The following LONP2 variants were observed in gnomAD, a reference collection of about 807,000 sequenced individuals.
The protein encoded by LONP2 is lon peptidase 2, peroxisomal.
In LONP2, 60 loss-of-function variants were observed where a neutral mutation model predicts 85.6. The observed-to-expected ratio is 0.70, with a 90% CI of 0.57 to 0.87. The LOEUF (loss-of-function observed/expected upper bound fraction) is 0.87. Among genes scored for constraint, LONP2 ranks in the 40% least tolerant of loss-of-function variants. The pLI, the probability that LONP2 is intolerant of heterozygous loss-of-function variation, is 0.00. For missense variants in LONP2, 860 were observed against 1,063.5 expected (o/e 0.81, Z 2.66); for synonymous variants, 395 against 389.7 (o/e 1.01, Z -0.16).
At chr16:48,267,491 G>T (rs1328169058) in intron 6 of LONP2, among the ~76,000 whole-genome samples, 1 of 152,014 alleles carries the variant, frequency 6.6e-6, no homozygotes, top group African/African-American at 2.4e-5. Context: ...GTAGAGACAG[G>T]GTTTCACTAC....
In LONP2 at chr16:48,352,889, T is replaced by G. The variant is rs1223408434; in HGVS notation, c.*1087T>G. The G allele has an allele frequency of 6.6e-6, 1 of 152,230 alleles. No individual in the cohort carries two copies. The highest frequency in any genetic ancestry group is 1.5e-5 in the Non-Finnish European group (1 of 68,062). The allele number at this position is 152,230 out of a possible 1,614,324, so 9.4% of individuals were successfully genotyped here. A position where few individuals can be genotyped will look rare whatever the true frequency, so the allele number is the denominator to read the frequency against. On this transcript the variant is annotated 3_prime_UTR_variant, in exon 15 of 15. Coordinates refer to ENST00000285737, the MANE Select transcript of LONP2 (RefSeq NM_031490.5). ...CTAACTCCTGATTCCGTCTCCTATT[T>G]CTTGCTTGGCTACGCCAGTTCCCAA...
At chr16:48,248,277 A>G (rs1170159987) in intron 1 of LONP2, among the ~76,000 whole-genome samples, 2 of 148,934 alleles carry the variant, frequency 1.3e-5, no homozygotes, top group African/African-American at 4.9e-5. Flanking sequence ...ATGTGCCACA[A>G]TGCCTAGCTA....
At chr16:48,271,294 T>A (rs57435271) in intron 7 of LONP2, among the ~76,000 whole-genome samples, 2,084 of 152,312 alleles carry the variant, frequency 0.014, 47 homozygotes, top group African/African-American at 0.047. Flanking sequence ...CTGATGGAAA[T>A]TGCCTTGGGA....
intron 8 of LONP2, among the ~76,000 whole-genome samples, chr16:48,277,892 ATTT>A (rs529245504): frequency 8.0e-5 from 11 of 138,044 alleles, no homozygotes; most frequent in Non-Finnish European, 1.7e-4. Context: ...GCACTTCCTG[ATTT>A]TTTTTTTTTT....
At chr16:48,281,094 G>A (rs1972316720) in intron 8 of LONP2, among the ~76,000 whole-genome samples, 1 of 152,106 alleles carries the variant, frequency 6.6e-6, no homozygotes, top group South Asian at 2.1e-4. Flanking sequence ...GATATTATTT[G>A]TAAAATGTAT....
downstream of LONP2, among the ~76,000 whole-genome samples, chr16:48,357,778 C>T (rs747104830): frequency 2.6e-4 from 40 of 152,154 alleles, no homozygotes; most frequent in Admixed American, 2.0e-4. Flanking sequence ...GTGAGCTAAG[C>T]TATCTACAGC....
At chr16:48,259,671 G>C (rs1971835694) in intron 4 of LONP2, among the ~76,000 whole-genome samples, 1 of 152,176 alleles carries the variant, frequency 6.6e-6, no homozygotes, top group African/African-American at 2.4e-5. Context: ...CTCCCCGGTG[G>C]GACTAGAGAA....
At position 48,244,327 on chromosome 16, in the gene LONP2, A is replaced by G. The variant is rs897980466; in HGVS notation, c.-62A>G. 1.7e-5 allele frequency: 22 copies of G among 1,267,264 alleles called. No individual in the cohort carries two copies. The highest frequency in any genetic ancestry group is 2.8e-5 in the Admixed American group (1 of 35,438). 78.5% of individuals were successfully genotyped at this position (1,267,264 alleles called of 1,614,324 possible). ...GTCTGAGGTTTGGTGACTGCGGGGC[A>G]GGCCGGGGGCAGCTGTCTGTCTGGC... On this transcript the variant is annotated 5_prime_UTR_variant, in exon 1 of 15. Coordinates refer to ENST00000285737, the MANE Select transcript of LONP2 (RefSeq NM_031490.5).
At chr16:48,342,638 C>A (rs1231692052) in intron 12 of LONP2, among the ~76,000 whole-genome samples, 1 of 152,186 alleles carries the variant, frequency 6.6e-6, no homozygotes, top group African/African-American at 2.4e-5. Flanking sequence ...CAGTGGTGGA[C>A]CCCAACACCT....
chr16:48,312,652 G>A (rs78709742), intron 11 of LONP2, among the ~76,000 whole-genome samples: 424 of 152,234 alleles, frequency 2.8e-3, no homozygotes, highest in Non-Finnish European at 5.1e-3. Flanking sequence ...AAGGCCTCCT[G>A]CCTAGCTGGG....
intron 5 of LONP2, 91 bp downstream of exon 5, chr16:48,261,678 G>A (rs574758475): frequency 9.4e-6 from 9 of 953,230 alleles, no homozygotes; most frequent in Middle Eastern, 2.5e-4. Flanking sequence ...CCAATACTGA[G>A]GATACATAAT....
intron 8 of LONP2, among the ~76,000 whole-genome samples, chr16:48,289,598 A>G (rs941959032): frequency 6.6e-6 from 1 of 152,202 alleles, no homozygotes; most frequent in Non-Finnish European, 1.5e-5. Flanking sequence ...CACAGCACAC[A>G]TGGACAGCAA....
At chr16:48,359,995 A>G (rs930014222), downstream of LONP2, among the ~76,000 whole-genome samples, 5 of 152,362 alleles carry the variant, frequency 3.3e-5, no homozygotes, top group Non-Finnish European at 5.9e-5. Flanking sequence ...AGTTAACTAC[A>G]TGGTACTGAA....
intron 11 of LONP2, among the ~76,000 whole-genome samples, chr16:48,319,489 A>G (rs531237361): frequency 1.3e-5 from 2 of 152,150 alleles, no homozygotes; most frequent in East Asian, 1.9e-4. Flanking sequence ...TATCTTTTGG[A>G]TTTTATATTA....
At position 48,244,497 on chromosome 16, in the gene LONP2, C is replaced by T. The variant is rs1971225121; in HGVS notation, c.109C>T (p.Arg37Cys). 1 of 1,598,094 alleles carries T rather than the reference C, an allele frequency of 6.3e-7. No individual in the cohort carries two copies. Among genetic ancestry groups the T allele is most frequent in the Non-Finnish European group, 8.5e-7 (1 of 1,176,144 alleles). ...STMRTSVDSARNLQLVRSRLL... is the reference protein window; with the variant it reads ...STMRTSVDSACNLQLVRSRLL... Reference sequence around the variant, plus strand: ...CATGCGCACCAGCGTGGACTCGGCCCGCAACCTGCAGCTGGTGCGGAGCCG... The same window carrying T: ...CATGCGCACCAGCGTGGACTCGGCCTGCAACCTGCAGCTGGTGCGGAGCCG... The change falls in exon 1 of 15, where the codon CGC (arginine) becomes TGC (cysteine). Residue 37 changes from arginine to cysteine, a missense_variant. Physicochemically the swap from Arg to Cys is radical, Grantham distance 180. Around this residue, in one of 3 missense-constraint regions of LONP2, gnomAD observed 743 missense variants for 917.3 expected, o/e 0.81. Coordinates refer to ENST00000285737, the MANE Select transcript of LONP2 (RefSeq NM_031490.5).
intron 8 of LONP2, among the ~76,000 whole-genome samples, chr16:48,289,947 T>A (rs1001813154): frequency 6.6e-6 from 1 of 152,186 alleles, no homozygotes; most frequent in Non-Finnish European, 1.5e-5. Flanking sequence ...TTGTAAAATA[T>A]TTTAAACTAG....
At chr16:48,349,227 G>A (rs1960065699) in intron 14 of LONP2, among the ~76,000 whole-genome samples, 1 of 151,622 alleles carries the variant, frequency 6.6e-6, no homozygotes, top group Non-Finnish European at 1.5e-5. Flanking sequence ...ACAAGATTTT[G>A]GCAGGTTCAT....
At chr16:48,297,010 A>G (rs1340804159) in intron 9 of LONP2, among the ~76,000 whole-genome samples, 3 of 151,850 alleles carry the variant, frequency 2.0e-5, no homozygotes. Flanking sequence ...AAATGTCTTT[A>G]TTTATTTAAT....
At position 48,351,562 on chromosome 16, in the gene LONP2, C is replaced by T. The variant is rs1567356211; in HGVS notation, c.2338-19C>T. 1.9e-6 allele frequency: 3 copies of T among 1,607,102 alleles called. No homozygotes were observed. The highest frequency in any genetic ancestry group is 2.6e-6 in the Non-Finnish European group (3 of 1,175,998). On this transcript the variant is annotated intron_variant, in intron 14 of 14. Coordinates refer to ENST00000285737, the MANE Select transcript of LONP2 (RefSeq NM_031490.5). ...TGAGGGTGATCATTAACCCTAAAAA[C>T]TTTTTTCTCTCCTTACAGGTGGGTG...
Sources: gnomAD v4.1 joint callset for allele counts (sites outside exome capture counted in the v4.1 genomes callset) on GRCh38, gnomAD v4.1.1 for gene constraint, gnomAD v4.1.1 regional missense constraint, MANE v1.5 for transcripts, NCBI Gene and HGNC (gene_info 2026-07-23, HGNC 2026-07-21) for gene names.